NALCN: variants seen among roughly 807,000 people sequenced by gnomAD.
NALCN encodes the protein sodium leak channel NALCN.
A neutral mutation model predicts 225.3 loss-of-function variants in NALCN; 111 were observed. The ratio of observed to expected loss-of-function variants is 0.49; its 90% CI spans 0.42 to 0.58. The LOEUF (loss-of-function observed/expected upper bound fraction) is 0.58. Among genes scored for constraint, NALCN ranks in the 20% least tolerant of loss-of-function variants. The pLI is 0.00. For synonymous variants in NALCN, 764 were observed against 769.0 expected (o/e 0.99, Z 0.11); for missense variants, 1,378 against 2,202.4 (o/e 0.63, Z 7.49).
At chr13:101,114,445 C>A (rs1425580362) in intron 18 of NALCN, among the ~76,000 whole-genome samples, 1 of 152,132 alleles carries the variant, frequency 6.6e-6, no homozygotes, top group Non-Finnish European at 1.5e-5. Context: ...CTCTCTCTCT[C>A]TCTCTCTCGC....
At chr13:101,138,962 G>A (rs546487233) in intron 17 of NALCN, among the ~76,000 whole-genome samples, 17 of 152,246 alleles carry the variant, frequency 1.1e-4, no homozygotes, top group African/African-American at 3.6e-4. Context: ...TCACAGGAAC[G>A]GTAGGTAGCA....
At chr13:101,193,828 C>A (rs2140011181) in intron 13 of NALCN, among the ~76,000 whole-genome samples, 1 of 152,124 alleles carries the variant, frequency 6.6e-6, no homozygotes, top group Admixed American at 6.5e-5. Flanking sequence ...AGGTGAGGAA[C>A]ACGAATTCCA....
Position 101,191,934 on chromosome 13 carries a change from G to T in NALCN, c.1747C>A (p.His583Asn). The part of the protein sequence containing the change: ...PVVAIYFILY[H>N]LFATLILLSL... The stretch of plus-strand genomic sequence containing the variant: ...GAACTCACCAGAGTGGCAAAAAGAT[G>T]ATAGAGAATGAAATAGATGGCAACC... Residue 583 changes from histidine to asparagine, a missense_variant, in exon 14 of 44, where the codon CAT becomes AAT. Around this residue, in one of 19 missense-constraint regions of NALCN, gnomAD observed 62 missense variants for 143.6 expected, o/e 0.43. Transcript: ENST00000251127. 6.2e-7 allele frequency: 1 copy of T among 1,610,058 alleles called. No homozygotes were observed. Among genetic ancestry groups the T allele is most frequent in the Non-Finnish European group, 8.5e-7 (1 of 1,178,270 alleles).
chr13:101,127,144 T>C (rs1213773013), intron 17 of NALCN, among the ~76,000 whole-genome samples: 3 of 152,206 alleles, frequency 2.0e-5, no homozygotes, highest in Non-Finnish European at 4.4e-5. Context: ...TTTGGGATAA[T>C]ATCTGGTACA....
rs2035194777 is a variant in NALCN at position 101,107,543 on chromosome 13, C to T, written c.2523G>A (p.Gly841=). 2 of 1,614,130 alleles carry T rather than the reference C, an allele frequency of 1.2e-6. No individual in the cohort carries two copies. The highest frequency in any genetic ancestry group is 1.6e-4 in the Middle Eastern group (1 of 6,062). Residue 841 remains glycine (G), a synonymous_variant, in exon 22 of 44, where the codon GGG becomes GGA. Coordinates refer to ENST00000251127, the MANE Select transcript of NALCN (RefSeq NM_052867.4). Reference sequence around the variant, plus strand: ...AAAAGTTTCTGAACCTGTGTTCTCGCCCGACAATGAACAGTGGCTTATCGA... The same window carrying T: ...AAAAGTTTCTGAACCTGTGTTCTCGTCCGACAATGAACAGTGGCTTATCGA... The part of the protein sequence containing the change: ...PYFDKPLFIV[G]REHRFRNFCR...
intron 13 of NALCN, among the ~76,000 whole-genome samples, chr13:101,203,791 A>G (rs2040217099): frequency 6.6e-6 from 1 of 152,182 alleles, no homozygotes; most frequent in Non-Finnish European, 1.5e-5. Context: ...TTTTTACAAT[A>G]TACTTTCCAG....
At chr13:101,186,687 TTG>T (rs2039462090) in intron 14 of NALCN, among the ~76,000 whole-genome samples, 1 of 152,162 alleles carries the variant, frequency 6.6e-6, no homozygotes, top group Non-Finnish European at 1.5e-5. Flanking sequence ...TTTACCTTTT[TTG>T]TGTTAGACTT....
chr13:101,238,273 A>T (rs1286530689), intron 11 of NALCN, among the ~76,000 whole-genome samples: 1 of 151,940 alleles, frequency 6.6e-6, no homozygotes, highest in Non-Finnish European at 1.5e-5. Flanking sequence ...TTTTTAAGAT[A>T]AAATTTATTT....
intron 6 of NALCN, among the ~76,000 whole-genome samples, chr13:101,370,961 A>G (rs1209995453): frequency 1.3e-5 from 2 of 152,172 alleles, no homozygotes; most frequent in African/African-American, 4.8e-5. Flanking sequence ...ATCATTAAAG[A>G]TAAGTTTGCA....
chr13:101,137,372 A>G (rs2036852202), intron 17 of NALCN, among the ~76,000 whole-genome samples: 1 of 150,518 alleles, frequency 6.6e-6, no homozygotes, highest in Non-Finnish European at 1.5e-5. Flanking sequence ...TCATTTGTTC[A>G]TTCTCTCTCT....
At chr13:101,389,304 G>A (rs2139465239) in intron 3 of NALCN, among the ~76,000 whole-genome samples, 1 of 152,220 alleles carries the variant, frequency 6.6e-6, no homozygotes, top group Middle Eastern at 3.4e-3. Flanking sequence ...TAAAATAAAT[G>A]GCAACATTTG....
rs1358934972 is a variant in NALCN, at chr13:101,089,571, G to A, written c.3489+92C>T. ...CACCAGTCACATTACAGTTTAAAGC[G>A]GCTTCACGCCGCGTGTGAAAAGAAA... On this transcript the variant is annotated intron_variant, in intron 30 of 43. Transcript: ENST00000251127. The surrounding 1 kb of genome is among the most constrained non-coding windows in gnomAD (Gnocchi z 4.7). 6 of 1,089,500 alleles carry A rather than the reference G, an allele frequency of 5.5e-6. No individual in the cohort carries two copies. The East Asian group carries it at 9.8e-5, about 18-fold the overall frequency. 67.5% of individuals were successfully genotyped at this position (1,089,500 alleles called of 1,614,324 possible).
intron 17 of NALCN, among the ~76,000 whole-genome samples, chr13:101,128,259 T>C (rs1176690608): frequency 6.6e-6 from 1 of 152,208 alleles, no homozygotes; most frequent in African/African-American, 2.4e-5. Context: ...ACAGAATTAA[T>C]AACTCAAAAC....
In NALCN at chr13:101,054,221, A is replaced by AAAAC. The variant is rs1251999100; in HGVS notation, c.*1070_*1073dup. The stretch of plus-strand genomic sequence containing the variant: ...ATGGGCCATTGACATATAAGGAAAA[A>AAAAC]AAACAAAAACAAAAAACGATTAAGT... On this transcript the variant is annotated 3_prime_UTR_variant, in exon 44 of 44. Transcript: ENST00000251127. 4 of 152,224 alleles carry AAAAC rather than the reference A, an allele frequency of 2.6e-5. No homozygotes were observed. Among genetic ancestry groups the AAAAC allele is most frequent in the African/African-American group, 9.6e-5 (4 of 41,452 alleles). 9.4% of individuals were successfully genotyped at this position (152,224 alleles called of 1,614,324 possible). A position where few individuals can be genotyped will look rare whatever the true frequency, so the allele number is the denominator to read the frequency against.
chr13:101,216,068 G>A (rs1389515490), intron 13 of NALCN, among the ~76,000 whole-genome samples: 2 of 152,086 alleles, frequency 1.3e-5, no homozygotes, highest in Non-Finnish European at 2.9e-5. Flanking sequence ...ATGGGGGACA[G>A]CTTAGAATCT....
chr13:101,332,611 T>C (rs1198480263), intron 7 of NALCN, among the ~76,000 whole-genome samples: 2 of 152,178 alleles, frequency 1.3e-5, no homozygotes, highest in African/African-American at 4.8e-5. Flanking sequence ...CAGAAATATT[T>C]AGCCAGCTAC....
At chr13:101,207,096 AC>A (rs1442787518) in intron 13 of NALCN, among the ~76,000 whole-genome samples, 6 of 152,190 alleles carry the variant, frequency 3.9e-5, no homozygotes, top group Non-Finnish European at 7.4e-5. Context: ...ATCTCAGGTT[AC>A]TTTCTTAGGA....
intron 15 of NALCN, among the ~76,000 whole-genome samples, chr13:101,168,582 G>A (rs1189966238): frequency 3.9e-5 from 6 of 151,998 alleles, no homozygotes; most frequent in Non-Finnish European, 7.4e-5. Context: ...CACCGCTTTC[G>A]ATATTCTCTC....
chr13:101,282,690 CGGTGATG>C (rs1222338715), intron 10 of NALCN, among the ~76,000 whole-genome samples: 1 of 152,116 alleles, frequency 6.6e-6, no homozygotes, highest in East Asian at 1.9e-4. Context: ...TGAATATATG[CGGTGATG>C]GGTGTGTTAA....
Sources: allele counts gnomAD v4.1 joint callset (sites outside exome capture counted in the v4.1 genomes callset), GRCh38; gene constraint gnomAD v4.1.1; regional missense constraint gnomAD v4.1.1; non-coding constraint Gnocchi (gnomAD v3.1); transcripts MANE v1.5; gene names NCBI Gene and HGNC (gene_info 2026-07-23, HGNC 2026-07-21).